TMEM33: variants seen among roughly 807,000 people sequenced by gnomAD.
TMEM33 encodes the protein transmembrane protein 33.
In TMEM33, 16 loss-of-function variants were observed where a neutral mutation model predicts 29.7. The ratio of observed to expected loss-of-function variants is 0.54; its 90% CI spans 0.36 to 0.82. The LOEUF (loss-of-function observed/expected upper bound fraction) is 0.82, where lower values mean the gene tolerates loss of function less well. Among genes scored for constraint, TMEM33 ranks in the 40% least tolerant of loss-of-function variants. The pLI, the probability that TMEM33 is intolerant of heterozygous loss-of-function variation, is 0.00. For missense variants in TMEM33, 252 were observed against 295.3 expected, an observed-to-expected ratio of 0.85 and a Z score of 1.08; for synonymous variants, 112 against 109.4, an observed-to-expected ratio of 1.02 and a Z score of -0.15.
At position 41,956,303 on chromosome 4, in the gene TMEM33, G is replaced by C. The variant is rs1713265423; in HGVS notation, c.*2104G>C. 6.6e-6 allele frequency: 1 copy of C among 152,162 alleles called. No individual in the cohort carries two copies. Among genetic ancestry groups the C allele is most frequent in the African/African-American group, 2.4e-5 (1 of 41,420 alleles). 9.4% of individuals were successfully genotyped at this position (152,162 alleles called of 1,614,324 possible). ...GGTGTGAGCCACCGCGCCCTGCCAA[G>C]AAGAGTTCTTTTGCATACCCTTTAC... On this transcript the variant is annotated 3_prime_UTR_variant, in exon 7 of 7. Coordinates refer to ENST00000504986, the MANE Select transcript of TMEM33 (RefSeq NM_018126.3).
chr4:41,938,450 A>G (rs1379346104), intron 1 of TMEM33, 152 bp from the exon 2 acceptor site: 2 of 675,166 alleles, frequency 3.0e-6, no homozygotes, highest in South Asian at 1.8e-5. Context: ...TACATGAAAC[A>G]TGTAATTGCC....
intron 5 of TMEM33, among the ~76,000 whole-genome samples, chr4:41,946,947 A>G (rs968015137): frequency 3.3e-5 from 5 of 152,160 alleles, no homozygotes; most frequent in Non-Finnish European, 7.3e-5. Context: ...TTAAAATGGT[A>G]GATACCAGGC....
intron 4 of TMEM33, chr4:41,944,131 G>A: frequency 3.4e-6 from 1 of 293,686 alleles, no homozygotes; most frequent in Non-Finnish European, 6.4e-6. Flanking sequence ...CTCTTGTTCT[G>A]TCAGTGTTTA....
chr4:41,935,693 G>A (rs1375513589), intron 1 of TMEM33, among the ~76,000 whole-genome samples, 164 bp downstream of exon 1: 5 of 152,232 alleles, frequency 3.3e-5, no homozygotes, highest in Non-Finnish European at 5.9e-5. Context: ...CCTGAGCGAA[G>A]ATATGGAGGG....
chr4:41,959,466 AG>A lies in TMEM33; in HGVS notation c.*5269del, dbSNP rs1340853725. 2 of 152,238 alleles carry A rather than the reference AG, an allele frequency of 1.3e-5. No individual in the cohort carries two copies. Among genetic ancestry groups the A allele is most frequent in the Non-Finnish European group, 2.9e-5 (2 of 68,028 alleles). 9.4% of individuals were successfully genotyped at this position (152,238 alleles called of 1,614,324 possible). A position where few individuals can be genotyped will look rare whatever the true frequency, so the allele number is the denominator to read the frequency against. On this transcript the variant is annotated 3_prime_UTR_variant, in exon 7 of 7. Transcript: ENST00000504986. ...GCAGATTCCTTTCTTAGAAAACAAT[AG>A]GAAAAAATTATAGATGGATGTCTTT...
chr4:41,960,575 T>C lies in TMEM33; in HGVS notation c.*6376T>C, dbSNP rs549445856. On this transcript the variant is annotated 3_prime_UTR_variant, in exon 7 of 7. Coordinates refer to ENST00000504986, the MANE Select transcript of TMEM33 (RefSeq NM_018126.3). ...CTGGAATTTAGCAGATACAAAAATG[T>C]TATCTTGCAAAAGAACTAAGAACAT... The C allele has an allele frequency of 2.6e-4, 40 of 152,302 alleles. No individual in the cohort carries two copies. Among genetic ancestry groups the C allele is most frequent in the African/African-American group, 9.6e-4 (40 of 41,558 alleles). The allele number at this position is 152,302 out of a possible 1,614,324, so 9.4% of individuals were successfully genotyped here.
Position 41,949,348 on chromosome 4 carries a change from AC to A in TMEM33, c.580del (p.Leu194PhefsTer18). ...ACCTTTTATATACTATAGATTTCTTACCCTTCGATATTCGTCTCGAAGAAAC... is the reference window on the plus strand; with the variant it reads ...ACCTTTTATATACTATAGATTTCTTACCTTCGATATTCGTCTCGAAGAAAC... Reference protein sequence around the residue: ...LQPFIYYRFLTLRYSSRRNPY... With the variant: ...LQPFIYYRFLXLRYSSRRNPY... On this transcript the variant is annotated frameshift_variant, in exon 6 of 7. Transcript: ENST00000504986. LOFTEE classifies it high-confidence loss of function. The A allele has an allele frequency of 7.4e-6, 12 of 1,611,188 alleles. No homozygotes were observed. The highest frequency in any genetic ancestry group is 1.0e-5 in the Non-Finnish European group (12 of 1,179,002).
intron 3 of TMEM33, among the ~76,000 whole-genome samples, chr4:41,943,466 A>C (rs1209406621): frequency 6.6e-6 from 1 of 152,076 alleles, no homozygotes; most frequent in Non-Finnish European, 1.5e-5. Context: ...TGGAGGTTGC[A>C]GTGAGCCAAG....
At chr4:41,939,931 T>C in intron 3 of TMEM33, 1 of 380,474 alleles carries the variant, frequency 2.6e-6, no homozygotes. Context: ...AATAATTCAT[T>C]TGGAATTTGT....
At position 41,955,702 on chromosome 4, in the gene TMEM33, C is replaced by T. The variant is rs1240337487; in HGVS notation, c.*1503C>T. 2.0e-5 allele frequency: 3 copies of T among 152,558 alleles called. No individual in the cohort carries two copies. The highest frequency in any genetic ancestry group is 7.2e-5 in the African/African-American group (3 of 41,410). The allele number at this position is 152,558 out of a possible 1,614,324, so 9.5% of individuals were successfully genotyped here. Reference sequence around the variant, plus strand: ...ACTAAGCTGGAGAAGCAGCCTCATACAGTTGATTTTGTGTATGTGGCTAGT... The same window carrying T: ...ACTAAGCTGGAGAAGCAGCCTCATATAGTTGATTTTGTGTATGTGGCTAGT... On this transcript the variant is annotated 3_prime_UTR_variant, in exon 7 of 7. Transcript: ENST00000504986.
chr4:41,935,348 C>T (rs926068024), upstream of TMEM33: 5 of 944,756 alleles, frequency 5.3e-6, no homozygotes, highest in East Asian at 1.3e-4. Context: ...CTCAGAGTTC[C>T]GGCAGGGTGC....
intron 4 of TMEM33, 39 bp downstream of exon 4, chr4:41,943,853 G>A: frequency 6.3e-7 from 1 of 1,578,170 alleles, no homozygotes; most frequent in Non-Finnish European, 8.7e-7. Flanking sequence ...CTGAATTACA[G>A]ATCATTGACA....
In TMEM33 at chr4:41,949,380, T is replaced by C; in HGVS notation, c.609T>C (p.Tyr203=). 6.2e-7 allele frequency: 1 copy of C among 1,608,600 alleles called. No individual in the cohort carries two copies. The highest frequency in any genetic ancestry group is 8.5e-7 in the Non-Finnish European group (1 of 1,177,508). ...TLRYSSRRNP[Y]CRTLFNELRI... ...GATATTCGTCTCGAAGAAACCCATA[T>C]TGTCGGTAAGCTGATGATTATTTTA... Residue 203 remains tyrosine, a synonymous_variant, in exon 6 of 7, where the codon TAT becomes TAC. Coordinates refer to ENST00000504986, the MANE Select transcript of TMEM33 (RefSeq NM_018126.3).
chr4:41,950,947 T>C (rs1351815482), intron 6 of TMEM33, among the ~76,000 whole-genome samples: 4 of 152,174 alleles, frequency 2.6e-5, no homozygotes, highest in African/African-American at 7.2e-5. Context: ...CTGGTAAACA[T>C]CTTCAAAGCT....
chr4:41,937,043 A>G (rs184134639), intron 1 of TMEM33, among the ~76,000 whole-genome samples: 278 of 151,326 alleles, frequency 1.8e-3, no homozygotes, highest in African/African-American at 6.6e-3. Context: ...TTTTTCACCC[A>G]AAGATCTAGT....
At chr4:41,940,807 CAAAAAAAAAA>C (rs11390153) in intron 3 of TMEM33, among the ~76,000 whole-genome samples, 1 of 53,274 alleles carries the variant, frequency 1.9e-5, no homozygotes, top group Non-Finnish European at 3.9e-5. Flanking sequence ...GACTCCTTCT[CAAAAAAAAAA>C]AAAAAAAAAA....
intron 1 of TMEM33, 144 bp from the exon 2 acceptor site, chr4:41,938,458 G>A (rs933253881): frequency 1.4e-6 from 1 of 706,770 alleles, no homozygotes; most frequent in Admixed American, 2.4e-5. Flanking sequence ...ACATGTAATT[G>A]CCTTAGAGTT....
At chr4:41,946,030 C>T (rs1177095239) in intron 5 of TMEM33, among the ~76,000 whole-genome samples, 1 of 148,676 alleles carries the variant, frequency 6.7e-6, no homozygotes, top group African/African-American at 2.4e-5. Flanking sequence ...TACCTTTTTC[C>T]CACTTGTATG....
chr4:41,935,620 A>G (rs1047013042), intron 1 of TMEM33, 91 bp downstream of exon 1: 227 of 1,302,924 alleles, frequency 1.7e-4, no homozygotes, highest in Non-Finnish European at 2.3e-4. Flanking sequence ...CCAGAAGCTC[A>G]GTGCATTCAG....
Sources: gnomAD v4.1 joint callset for allele counts (sites outside exome capture counted in the v4.1 genomes callset) on GRCh38, gnomAD v4.1.1 for gene constraint, MANE v1.5 for transcripts, NCBI Gene and HGNC (gene_info 2026-07-23, HGNC 2026-07-21) for gene names.